The following ANKDD1B variants were observed in gnomAD, a reference collection of about 807,000 sequenced individuals.
ANKDD1B encodes ankyrin repeat and death domain containing 1B, also known as ankyrin repeat and death domain-containing protein 1B.
A neutral mutation model predicts 59.7 loss-of-function variants in ANKDD1B; 57 were observed. The ratio of observed to expected loss-of-function variants is 0.95; its 90% CI spans 0.77 to 1.19. ANKDD1B has a LOEUF of 1.19. ANKDD1B is among the 50% of genes most tolerant of loss of function. ANKDD1B has a pLI of 0.00. For synonymous variants in ANKDD1B, 216 were observed against 239.5 expected (o/e 0.90, Z 0.91); for missense variants, 602 against 641.9 (o/e 0.94, Z 0.67).
chr5:75,667,347 T>G (rs1249929275), intron 12 of ANKDD1B, among the ~76,000 whole-genome samples: 2 of 152,166 alleles, frequency 1.3e-5, no homozygotes, highest in African/African-American at 4.8e-5. Context: ...GGGAAGCCAA[T>G]CTGATTTCTA....
At position 75,639,466 on chromosome 5, in the gene ANKDD1B, G is replaced by A. The variant is rs185245338; in HGVS notation, c.798+3584G>A. On this transcript the variant is annotated intron_variant, in intron 7 of 13. Coordinates refer to ENST00000601380, the MANE Select transcript of ANKDD1B (RefSeq NM_001276713.2). ...CCCACCTCGGTCTCCCAAAGTGCTG[G>A]GATTACAGGCATGAGCCACTGCACC... is the stretch of plus-strand genomic sequence containing the variant. 2.9e-3 allele frequency among the ~76,000 whole-genome samples: 442 copies of A among 152,192 alleles called. 6 individuals carry two copies. The highest frequency in any genetic ancestry group is 9.8e-3 in the African/African-American group (408 of 41,528).
At position 75,644,132 on chromosome 5, in the gene ANKDD1B, G is replaced by A. The variant is rs374561148; in HGVS notation, c.798+8250G>A. 1.6e-4 allele frequency among the ~76,000 whole-genome samples: 17 copies of A among 104,732 alleles called. No individual in the cohort carries two copies. In the East Asian group the frequency reaches 2.0e-3, roughly 13 times the overall value. 68.7% of individuals were successfully genotyped at this position (104,732 alleles called of 152,430 possible). The stretch of plus-strand genomic sequence containing the variant: ...TGGAAAGGAACAACTGGTACCAGCC[G>A]CTGCAAAATCATGCCAAAATGTAAA... On this transcript the variant is annotated intron_variant, in intron 7 of 13. Coordinates refer to ENST00000601380, the MANE Select transcript of ANKDD1B (RefSeq NM_001276713.2).
rs1190114105 is a variant in ANKDD1B, at chr5:75,650,935, A to G, written c.799-2207A>G. Among the ~76,000 whole-genome samples the G allele has an allele frequency of 2.0e-5, 3 of 152,228 alleles. No individual in the cohort carries two copies. The East Asian group carries it at 5.8e-4, about 29-fold the overall frequency. ...CCAATACCCAAGAGAGTACACTCAC[A>G]TGCCTGGCAGTTAATGCTGGCTGTC... On this transcript the variant is annotated intron_variant, in intron 7 of 13. Transcript: ENST00000601380.
Position 75,653,034 on chromosome 5 carries a change from G to A in ANKDD1B, c.799-108G>A, listed in dbSNP as rs957751768. The A allele has an allele frequency of 1.1e-5, 8 of 759,888 alleles. No individual in the cohort carries two copies. The East Asian group carries it at 1.1e-4, about 10-fold the overall frequency. 47.1% of individuals were successfully genotyped at this position (759,888 alleles called of 1,614,324 possible). A position where few individuals can be genotyped will look rare whatever the true frequency, so the allele number is the denominator to read the frequency against. Reference sequence around the variant, plus strand: ...AATCACTGTTAAGTGATGCACGACTGTAGTTGTACTATTTCATTGTATTAA... The same window carrying A: ...AATCACTGTTAAGTGATGCACGACTATAGTTGTACTATTTCATTGTATTAA... On this transcript the variant is annotated intron_variant, in intron 7 of 13. Coordinates refer to ENST00000601380, the MANE Select transcript of ANKDD1B (RefSeq NM_001276713.2).
In ANKDD1B at chr5:75,625,877, C is replaced by T. The variant is rs1773982149; in HGVS notation, c.522C>T (p.Ala174=). 2 of 1,536,258 alleles carry T rather than the reference C, an allele frequency of 1.3e-6. No individual in the cohort carries two copies. Among genetic ancestry groups the T allele is most frequent in the African/African-American group, 1.4e-5 (1 of 73,042 alleles). The change falls in exon 5 of 14, where the codon GCC becomes GCT. Residue 174 remains alanine (A), a synonymous_variant. Coordinates refer to ENST00000601380, the MANE Select transcript of ANKDD1B (RefSeq NM_001276713.2). ...ATGGAATGAGCGCCCTCCACTTTGC[C>T]ACTCAGAGCAATCATGTGCGCATCG... ...NQDGMSALHF[A]TQSNHVRIVE... is the part of the protein sequence containing the mutation.
In ANKDD1B at chr5:75,671,027, GT is replaced by G. The variant is rs1270272274; in HGVS notation, c.1575del (p.Cys525TrpfsTer2). ...AAAACTGACTCAAACTCCAAGAAAT[GT>G]GTAGTTTCATAAATGCCTAAAGAAA... ...KSKTDSNSKK[C>X]VVS On this transcript the variant is annotated frameshift_variant, in exon 14 of 14. Transcript: ENST00000601380. LOFTEE classifies it high-confidence loss of function. 1 of 1,227,380 alleles carries G rather than the reference GT, an allele frequency of 8.1e-7. No homozygotes were observed. Among genetic ancestry groups the G allele is most frequent in the Non-Finnish European group, 1.0e-6 (1 of 983,884 alleles). 76.0% of individuals were successfully genotyped at this position (1,227,380 alleles called of 1,614,324 possible).
At chr5:75,634,265 A>G (rs190516797) in intron 5 of ANKDD1B, among the ~76,000 whole-genome samples, 15 of 152,310 alleles carry the variant, frequency 9.8e-5, no homozygotes, top group African/African-American at 3.6e-4. Context: ...TTATCTTCTA[A>G]AAAAATCAAA....
At position 75,667,070 on chromosome 5, in the gene ANKDD1B, C is replaced by G. The variant is rs1274413816; in HGVS notation, c.1393+77C>G. The G allele has an allele frequency of 3.1e-6, 3 of 981,128 alleles. No individual in the cohort carries two copies. In the African/African-American group the frequency reaches 4.9e-5, roughly 16 times the overall value. 60.8% of individuals were successfully genotyped at this position (981,128 alleles called of 1,614,324 possible). ...CAGTGCCTCCTGGTGTGAGGTCTTC[C>G]AAGGAAGTGTGTGGCACTCACAATA... On this transcript the variant is annotated intron_variant, in intron 12 of 13. Transcript: ENST00000601380.
At chr5:75,650,613 C>CA (rs1774804310) in intron 7 of ANKDD1B, among the ~76,000 whole-genome samples, 1 of 152,074 alleles carries the variant, frequency 6.6e-6, no homozygotes, top group Admixed American at 6.5e-5. Context: ...TTTTTACAGG[C>CA]AAAGACAAAG....
chr5:75,614,511 G>C (rs1561429294), intron 1 of ANKDD1B, among the ~76,000 whole-genome samples: 1 of 152,192 alleles, frequency 6.6e-6, no homozygotes, highest in Non-Finnish European at 1.5e-5. Flanking sequence ...AGAAATGTGA[G>C]AGACCCAGGG....
intron 10 of ANKDD1B, among the ~76,000 whole-genome samples, chr5:75,661,162 G>A (rs1289023744): frequency 2.0e-5 from 3 of 151,222 alleles, no homozygotes; most frequent in Non-Finnish European, 2.9e-5. Flanking sequence ...ACTTTGGGAG[G>A]CTGAGGCAGG....
At chr5:75,631,820 G>A (rs909356419) in intron 5 of ANKDD1B, among the ~76,000 whole-genome samples, 3 of 152,092 alleles carry the variant, frequency 2.0e-5, no homozygotes, top group African/African-American at 2.4e-5. Flanking sequence ...AAGACTCACT[G>A]GTGGGCTAGG....
chr5:75,664,115 T>C (rs1775240954), intron 11 of ANKDD1B, among the ~76,000 whole-genome samples: 1 of 152,250 alleles, frequency 6.6e-6, no homozygotes, highest in Non-Finnish European at 1.5e-5. Flanking sequence ...TCTTGATTTA[T>C]AGTGATGTGT....
intron 9 of ANKDD1B, among the ~76,000 whole-genome samples, chr5:75,656,951 AGCTCAATTTT>A (rs1774995146): frequency 6.6e-6 from 1 of 152,174 alleles, no homozygotes; most frequent in East Asian, 1.9e-4. Context: ...CCCACCTATG[AGCTCAATTTT>A]GCTCTGAGCT....
At chr5:75,656,904 A>G (rs1375839375) in intron 9 of ANKDD1B, among the ~76,000 whole-genome samples, 1 of 152,232 alleles carries the variant, frequency 6.6e-6, no homozygotes, top group Non-Finnish European at 1.5e-5. Flanking sequence ...CTGTGAAACC[A>G]GAGCGTTGAC....
At chr5:75,629,794 G>T (rs1774100359) in intron 5 of ANKDD1B, among the ~76,000 whole-genome samples, 1 of 151,738 alleles carries the variant, frequency 6.6e-6, no homozygotes, top group South Asian at 2.1e-4. Flanking sequence ...AACATTAGCT[G>T]GCGTATGGTG....
intron 7 of ANKDD1B, among the ~76,000 whole-genome samples, chr5:75,636,192 A>G (rs766963572): frequency 6.6e-6 from 1 of 152,254 alleles, no homozygotes; most frequent in Non-Finnish European, 1.5e-5. Context: ...ATTGGGCTAC[A>G]TGCAATAATA....
Position 75,611,733 on chromosome 5 carries a change from G to A in ANKDD1B, c.99G>A (p.Trp33Ter). Residue 33 changes from tryptophan to a stop codon, truncating the protein, a stop_gained, in exon 1 of 14, where the codon TGG becomes TGA. Transcript: ENST00000601380. LOFTEE classifies it high-confidence loss of function. ...CCAAGGGTCTCAGGGAAGACCTGTG[G>A]GGCGCGGCCGCCCTGCCTTGGAGGA... ...AAAKGLREDL[W>*]GAAALPWRSL... 1 of 1,231,960 alleles carries A rather than the reference G, an allele frequency of 8.1e-7. No individual in the cohort carries two copies. Among genetic ancestry groups the A allele is most frequent in the Non-Finnish European group, 1.0e-6 (1 of 988,072 alleles). The allele number at this position is 1,231,960 out of a possible 1,614,324, so 76.3% of individuals were successfully genotyped here. A position where few individuals can be genotyped will look rare whatever the true frequency, so the allele number is the denominator to read the frequency against.
At chr5:75,652,473 ACT>A (rs557892970) in intron 7 of ANKDD1B, among the ~76,000 whole-genome samples, 24 of 152,188 alleles carry the variant, frequency 1.6e-4, no homozygotes, top group African/African-American at 5.8e-4. Flanking sequence ...ACTGGGTCTC[ACT>A]CTGTTGCCCA....
Sources: gnomAD v4.1 joint callset for allele counts (sites outside exome capture counted in the v4.1 genomes callset) on GRCh38, gnomAD v4.1.1 for gene constraint, MANE v1.5 for transcripts, NCBI Gene and HGNC (gene_info 2026-07-23, HGNC 2026-07-21) for gene names.